The following XPO4 variants were observed in gnomAD, a reference collection of about 807,000 sequenced individuals.
The protein encoded by XPO4 is exportin-4.
In XPO4, 39 loss-of-function variants were observed where a neutral mutation model predicts 143.0. The observed-to-expected ratio is 0.27, with a 90% confidence interval of 0.21 to 0.36. XPO4 has a LOEUF of 0.36. XPO4 is among the 10% of genes least tolerant of loss of function. The probability of loss-of-function intolerance (pLI) is 1.00; values close to 1 mark genes in which losing one functional copy is unlikely to be tolerated. For missense variants in XPO4, 907 were observed against 1,348.0 expected (o/e 0.67, Z 5.12); for synonymous variants, 439 against 474.0 (o/e 0.93, Z 0.96).
At chr13:20,859,587 G>A (rs2060177598) in intron 3 of XPO4, among the ~76,000 whole-genome samples, 1 of 146,380 alleles carries the variant, frequency 6.8e-6, no homozygotes, top group Non-Finnish European at 1.5e-5. Flanking sequence ...ATGACAGACC[G>A]AGACTCCGTC....
Position 20,781,069 on chromosome 13 carries a change from T to C in XPO4, c.*2653A>G, listed in dbSNP as rs1234096979. On this transcript the variant is annotated 3_prime_UTR_variant, in exon 23 of 23. Coordinates refer to ENST00000255305, the MANE Select transcript of XPO4 (RefSeq NM_022459.5). ...CAACAGAAATTTTATAAAACAAAAA[T>C]CTAAAAATGAAATACTTGACAGTGT... 1.3e-5 allele frequency: 2 copies of C among 151,996 alleles called. No individual in the cohort carries two copies. The highest frequency in any genetic ancestry group is 6.6e-5 in the Admixed American group (1 of 15,258). The allele number at this position is 151,996 out of a possible 1,614,324, so 9.4% of individuals were successfully genotyped here. A position where few individuals can be genotyped will look rare whatever the true frequency, so the allele number is the denominator to read the frequency against.
chr13:20,902,756 G>T, upstream of XPO4: 1 of 1,468,042 alleles, frequency 6.8e-7, no homozygotes, highest in South Asian at 1.4e-5. Context: ...CTTCAATGAC[G>T]CGCCATGCGC....
In XPO4 at chr13:20,883,697, C is replaced by T. The variant is rs1348516564; in HGVS notation, c.70-14996G>A. On this transcript the variant is annotated intron_variant, in intron 1 of 22. Transcript: ENST00000255305. ...CCCTAAAAAAATTCTAAAGAAAATA[C>T]TTCAAGTAAAGTGAATCCAAATTAA... Among the ~76,000 whole-genome samples the T allele has an allele frequency of 4.7e-4, 72 of 152,174 alleles. 1 individual carries two copies. Among genetic ancestry groups the T allele is most frequent in the Admixed American group, 4.7e-3 (72 of 15,276 alleles).
At chr13:20,850,558 A>G (rs1024831458) in intron 4 of XPO4, among the ~76,000 whole-genome samples, 1 of 152,174 alleles carries the variant, frequency 6.6e-6, no homozygotes, top group Non-Finnish European at 1.5e-5. Context: ...TGAGGTCAGG[A>G]GCTCAAGATA....
At position 20,890,986 on chromosome 13, in the gene XPO4, G is replaced by A. The variant is rs1214602250; in HGVS notation, c.69+11684C>T. 2.6e-5 allele frequency among the ~76,000 whole-genome samples: 4 copies of A among 151,428 alleles called. No individual in the cohort carries two copies. In the East Asian group the frequency reaches 7.8e-4, roughly 29 times the overall value. On this transcript the variant is annotated intron_variant, in intron 1 of 22. Coordinates refer to ENST00000255305, the MANE Select transcript of XPO4 (RefSeq NM_022459.5). ...AATTAGCCAGGCATGGTATGGTGGT[G>A]CACGCCTGTAATCCCAGCTACTTGG...
In XPO4 at chr13:20,902,740, G is replaced by A. The variant is rs763311259; in HGVS notation, c.-2C>T. 21 of 1,551,902 alleles carry A rather than the reference G, an allele frequency of 1.4e-5. No individual in the cohort carries two copies. Among genetic ancestry groups the A allele is most frequent in the Non-Finnish European group, 1.8e-5 (21 of 1,148,310 alleles). ...GGGCCCCAGCGCCGCCGCCATCATG[G>A]TCTCTCTTCAATGACGCGCCATGCG... On this transcript the variant is annotated 5_prime_UTR_variant, in exon 1 of 23. Coordinates refer to ENST00000255305, the MANE Select transcript of XPO4 (RefSeq NM_022459.5).
At position 20,783,712 on chromosome 13, in the gene XPO4, G is replaced by A. The variant is rs1480131865; in HGVS notation, c.*10C>T. The A allele has an allele frequency of 1.9e-6, 3 of 1,613,384 alleles. No individual in the cohort carries two copies. In the African/African-American group the frequency reaches 4.0e-5, roughly 22 times the overall value. On this transcript the variant is annotated 3_prime_UTR_variant, in exon 23 of 23. Coordinates refer to ENST00000255305, the MANE Select transcript of XPO4 (RefSeq NM_022459.5). ...AGAAAGGATCTAAATTAAGCATAAA[G>A]TTCTGTTGTTTATTTTACACAAAGG...
intron 19 of XPO4, among the ~76,000 whole-genome samples, chr13:20,790,134 C>T (rs917605430): frequency 6.6e-6 from 1 of 152,052 alleles, no homozygotes; most frequent in Non-Finnish European, 1.5e-5. Flanking sequence ...TACTTTATTC[C>T]CTTAGTGACA....
intron 7 of XPO4, among the ~76,000 whole-genome samples, 178 bp downstream of exon 7, chr13:20,826,889 G>C (rs1029818674): frequency 6.6e-6 from 1 of 152,180 alleles, no homozygotes; most frequent in Non-Finnish European, 1.5e-5. Flanking sequence ...ATAACCATGT[G>C]ACATTTTTAT....
intron 9 of XPO4, among the ~76,000 whole-genome samples, chr13:20,810,204 T>A (rs1289316006): frequency 2.0e-5 from 3 of 152,136 alleles, no homozygotes; most frequent in Non-Finnish European, 4.4e-5. Context: ...CATGCATTTT[T>A]CAAATAAAAA....
At position 20,787,018 on chromosome 13, in the gene XPO4, C is replaced by G; in HGVS notation, c.3205G>C (p.Glu1069Gln). The change falls in exon 22 of 23, where the codon GAG becomes CAG. Residue 1069 changes from glutamate to glutamine, a missense_variant. Coordinates refer to ENST00000255305, the MANE Select transcript of XPO4 (RefSeq NM_022459.5). ...DMLVLQKHNT[E>Q]MTTAAGEAFY... ...GCTTCGCCAGCCGCAGTGGTCATCT[C>G]TGTGTTGTGCTTTTGCAAAACCAGC... The G allele has an allele frequency of 6.4e-7, 1 of 1,567,496 alleles. No individual in the cohort carries two copies.
intron 6 of XPO4, among the ~76,000 whole-genome samples, chr13:20,839,115 C>T (rs1332654190): frequency 6.6e-6 from 1 of 151,860 alleles, no homozygotes; most frequent in East Asian, 1.9e-4. Context: ...AAATACAAAA[C>T]TAGCAGGGCG....
intron 9 of XPO4, among the ~76,000 whole-genome samples, chr13:20,812,794 A>C (rs1005738454): frequency 3.9e-5 from 6 of 152,236 alleles, no homozygotes; most frequent in Admixed American, 6.5e-5. Context: ...AGGCACATGG[A>C]AACTCTCTGT....
intron 2 of XPO4, among the ~76,000 whole-genome samples, chr13:20,865,094 C>G (rs534146163): frequency 3.3e-5 from 5 of 151,824 alleles, no homozygotes; most frequent in African/African-American, 1.2e-4. Flanking sequence ...TACAAAGATG[C>G]CTGAAACTAC....
At chr13:20,804,195 CTATA>C (rs942488081) in intron 13 of XPO4, among the ~76,000 whole-genome samples, 7 of 149,720 alleles carry the variant, frequency 4.7e-5, no homozygotes, top group East Asian at 2.0e-4. Flanking sequence ...CTATATATAT[CTATA>C]TATATACACA....
chr13:20,806,073 A>G (rs766473319), intron 13 of XPO4, among the ~76,000 whole-genome samples: 15 of 152,206 alleles, frequency 9.9e-5, no homozygotes, highest in African/African-American at 3.1e-4. Flanking sequence ...AAAATATAAC[A>G]AAGAATATAT....
chr13:20,862,335 C>T (rs1207675311), intron 3 of XPO4, among the ~76,000 whole-genome samples: 1 of 152,142 alleles, frequency 6.6e-6, no homozygotes, highest in Admixed American at 6.6e-5. Context: ...TCCAACACAA[C>T]CTTTTCAAAG....
intron 2 of XPO4, among the ~76,000 whole-genome samples, chr13:20,863,433 T>C (rs962773919): frequency 1.1e-4 from 17 of 152,214 alleles, no homozygotes; most frequent in African/African-American, 3.9e-4. Flanking sequence ...GAAGTGCTTG[T>C]GAATTTTCTG....
At chr13:20,809,328 C>A in intron 10 of XPO4, 103 bp from the exon 11 acceptor site, 3 of 1,415,522 alleles carry the variant, frequency 2.1e-6, no homozygotes, top group Middle Eastern at 1.8e-4. Context: ...CACTGCATAG[C>A]AAAAGGAGAG....
Sources: allele counts gnomAD v4.1 joint callset (sites outside exome capture counted in the v4.1 genomes callset), GRCh38; gene constraint gnomAD v4.1.1; transcripts MANE v1.5; gene names NCBI Gene and HGNC (gene_info 2026-07-23, HGNC 2026-07-21).